NBEA: variants seen among roughly 807,000 people sequenced by gnomAD.
NBEA encodes the protein lysosomal-trafficking regulator 2.
In NBEA, 44 loss-of-function variants were observed where a neutral mutation model predicts 343.4. The observed-to-expected ratio is 0.13, with a 90% CI of 0.10 to 0.16. The LOEUF (loss-of-function observed/expected upper bound fraction) is 0.16, where lower values mean the gene tolerates loss of function less well. NBEA is among the 10% of genes least tolerant of loss of function. The pLI, the probability that NBEA is intolerant of heterozygous loss-of-function variation, is 1.00. For synonymous variants in NBEA, 1,175 were observed against 1,238.7 expected (o/e 0.95, Z 1.08); for missense variants, 2,555 against 3,631.3 (o/e 0.70, Z 7.62).
Position 35,211,198 on chromosome 13 carries a change from T to TA in NBEA, c.5648+20dup. 1 of 1,537,974 alleles carries TA rather than the reference T, an allele frequency of 6.5e-7. No homozygotes were observed. Among genetic ancestry groups the TA allele is most frequent in the Non-Finnish European group, 8.8e-7 (1 of 1,140,686 alleles). On this transcript the variant is annotated intron_variant, in intron 33 of 58. Coordinates refer to ENST00000379939, the MANE Select transcript of NBEA (RefSeq NM_001385012.1). ...ATATGAGGTATGCATGACTACTTTT[T>TA]ATTCATTTTAACTCTTTTTAAATGT...
intron 36 of NBEA, among the ~76,000 whole-genome samples, chr13:35,322,027 C>G (rs1172868958): frequency 6.6e-6 from 1 of 152,150 alleles, no homozygotes; most frequent in African/African-American, 2.4e-5. Context: ...TCTTAGCTTG[C>G]TGAGCTCTGT....
Position 35,058,809 on chromosome 13 carries a change from A to C in NBEA, c.1185A>C (p.Glu395Asp), listed in dbSNP as rs200848935. ...GQLGAVYVFS[E>D]ALNPAQIFAI... is the part of the protein sequence containing the mutation. Reference sequence around the variant, plus strand: ...TTGGTGCCGTGTATGTGTTCAGTGAAGCACTCAACCCAGCACAGATATTTG... The same window carrying C: ...TTGGTGCCGTGTATGTGTTCAGTGACGCACTCAACCCAGCACAGATATTTG... The change falls in exon 8 of 59, where the codon GAA (glutamate) becomes GAC (aspartate). Residue 395 changes from glutamate (E) to aspartate (D), a missense_variant. Around this residue, in one of 21 missense-constraint regions of NBEA, gnomAD observed 75 missense variants for 237.4 expected, o/e 0.32. Transcript: ENST00000379939. The C allele has an allele frequency of 5.8e-4, 934 of 1,607,832 alleles. 3 individuals carry two copies. The African/African-American group carries it at 0.011, about 19-fold the overall frequency.
rs771453576 is a variant in NBEA, at chr13:35,169,000, G to A, written c.4242+5G>A. On this transcript the variant is annotated splice_donor_5th_base_variant and intron_variant, in intron 25 of 58. Coordinates refer to ENST00000379939, the MANE Select transcript of NBEA (RefSeq NM_001385012.1). ...ATGCATGTCCAGGGTTCTAAGGTTA[G>A]TATTACTTTTGTAGTAATTTTCAGC... 27 of 1,495,674 alleles carry A rather than the reference G, an allele frequency of 1.8e-5. No individual in the cohort carries two copies. Among genetic ancestry groups the A allele is most frequent in the Non-Finnish European group, 2.4e-5 (27 of 1,125,548 alleles). The allele number at this position is 1,495,674 out of a possible 1,614,324, so 92.7% of individuals were successfully genotyped here.
rs66655195 is a variant in NBEA, at chr13:35,016,589, T to TAC, written c.295-24312_295-24311dup. On this transcript the variant is annotated intron_variant, in intron 1 of 58. Transcript: ENST00000379939. ...CACCGTCCTTCAGCTTGTATGTGTA[T>TAC]ACACACACACACACACACACACACA... Among the ~76,000 whole-genome samples the TAC allele has an allele frequency of 8.8e-3, 1,305 of 148,264 alleles. 16 individuals are homozygous for TAC. Among genetic ancestry groups the TAC allele is most frequent in the African/African-American group, 0.03 (1,191 of 40,024 alleles).
chr13:35,061,809 A>G (rs1326505193), intron 8 of NBEA, among the ~76,000 whole-genome samples: 3 of 151,758 alleles, frequency 2.0e-5, no homozygotes, highest in African/African-American at 4.8e-5. Flanking sequence ...TAAACTCTGC[A>G]TATAATATAG....
intron 1 of NBEA, among the ~76,000 whole-genome samples, chr13:35,022,048 T>C (rs2061862023): frequency 6.6e-6 from 1 of 152,244 alleles, no homozygotes; most frequent in East Asian, 1.9e-4. Flanking sequence ...AGAAGTCTTT[T>C]TTTGCTTTCA....
At chr13:35,140,571 G>T (rs1291190580) in intron 17 of NBEA, among the ~76,000 whole-genome samples, 1 of 152,064 alleles carries the variant, frequency 6.6e-6, no homozygotes, top group Non-Finnish European at 1.5e-5. Context: ...AAACACAGCT[G>T]CAGAACAGAT....
intron 34 of NBEA, among the ~76,000 whole-genome samples, chr13:35,264,648 C>A (rs1477182805): frequency 6.6e-6 from 1 of 151,842 alleles, no homozygotes; most frequent in Admixed American, 6.6e-5. Flanking sequence ...AGACAAAAAC[C>A]ATATGATCAT....
chr13:35,424,022 G>A (rs944398100), intron 38 of NBEA, among the ~76,000 whole-genome samples: 2 of 152,202 alleles, frequency 1.3e-5, no homozygotes, highest in African/African-American at 4.8e-5. Context: ...CTTTGCTGAA[G>A]TTGCTTATCA....
intron 1 of NBEA, among the ~76,000 whole-genome samples, chr13:34,978,802 C>G (rs2152504845): frequency 6.6e-6 from 1 of 152,294 alleles, no homozygotes; most frequent in Non-Finnish European, 1.5e-5. Flanking sequence ...GCATTTGTTA[C>G]TTTTACTGAT....
chr13:34,969,490 A>G (rs1056062719), intron 1 of NBEA, among the ~76,000 whole-genome samples: 1 of 151,832 alleles, frequency 6.6e-6, no homozygotes, highest in African/African-American at 2.4e-5. Context: ...TTTGTTGTGC[A>G]GTTTATTTCA....
chr13:35,310,833 A>G (rs922918156), intron 36 of NBEA, among the ~76,000 whole-genome samples: 1 of 152,174 alleles, frequency 6.6e-6, no homozygotes, highest in African/African-American at 2.4e-5. Context: ...TTATCTTTTC[A>G]AGTAGGGGAG....
intron 36 of NBEA, among the ~76,000 whole-genome samples, chr13:35,342,530 AG>A (rs2039645310): frequency 6.6e-6 from 1 of 152,050 alleles, no homozygotes; most frequent in Admixed American, 6.6e-5. Flanking sequence ...CAAGGAGAAA[AG>A]TATGCAAACA....
chr13:35,640,238 T>A (rs76214076), intron 49 of NBEA, among the ~76,000 whole-genome samples: 2,098 of 152,318 alleles, frequency 0.014, 51 homozygotes, highest in African/African-American at 0.048. Flanking sequence ...GTATCTTTAT[T>A]CATAGAGGAG....
chr13:35,086,939 T>C (rs2064802196), intron 10 of NBEA, among the ~76,000 whole-genome samples: 1 of 152,034 alleles, frequency 6.6e-6, no homozygotes, highest in East Asian at 1.9e-4. Flanking sequence ...ACAATTTCTG[T>C]GTCTTCTTTT....
chr13:35,498,834 A>C (rs2076780622), intron 41 of NBEA, among the ~76,000 whole-genome samples: 2 of 152,048 alleles, frequency 1.3e-5, no homozygotes, highest in Non-Finnish European at 2.9e-5. Flanking sequence ...TTTTCCCCTT[A>C]TACCTTATGC....
chr13:35,171,622 A>G lies in NBEA; in HGVS notation c.4423+170A>G, dbSNP rs191703804. ...AATTAATCAGAATTACTAAATTTTA[A>G]AAAATTATGCCTTCACATTGGAGAT... On this transcript the variant is annotated intron_variant, in intron 26 of 58. Coordinates refer to ENST00000379939, the MANE Select transcript of NBEA (RefSeq NM_001385012.1). Among the ~76,000 whole-genome samples the G allele has an allele frequency of 1.9e-3, 295 of 152,154 alleles. 2 individuals are homozygous for G. The highest frequency in any genetic ancestry group is 6.9e-4 in the Non-Finnish European group (47 of 67,954).
intron 52 of NBEA, among the ~76,000 whole-genome samples, chr13:35,650,349 C>T (rs2084455560): frequency 6.6e-6 from 1 of 152,156 alleles, no homozygotes; most frequent in Non-Finnish European, 1.5e-5. Flanking sequence ...TTTTGCAGAG[C>T]TTAGAATCTT....
chr13:35,672,635 C>T lies in NBEA; in HGVS notation c.*1644C>T, dbSNP rs1037136069. 8 of 152,580 alleles carry T rather than the reference C, an allele frequency of 5.2e-5. No individual in the cohort carries two copies. In the East Asian group the frequency reaches 1.5e-3, roughly 29 times the overall value. The allele number at this position is 152,580 out of a possible 1,614,324, so 9.5% of individuals were successfully genotyped here. A position where few individuals can be genotyped will look rare whatever the true frequency, so the allele number is the denominator to read the frequency against. Reference sequence around the variant, plus strand: ...TGAAATATTTTGGATATATAAATTCCTTAAGCTATTGTAACCATGTTTTAT... The same window carrying T: ...TGAAATATTTTGGATATATAAATTCTTTAAGCTATTGTAACCATGTTTTAT... On this transcript the variant is annotated 3_prime_UTR_variant, in exon 59 of 59. Coordinates refer to ENST00000379939, the MANE Select transcript of NBEA (RefSeq NM_001385012.1).
Sources: gnomAD v4.1 joint callset for allele counts (sites outside exome capture counted in the v4.1 genomes callset) on GRCh38, gnomAD v4.1.1 for gene constraint, gnomAD v4.1.1 regional missense constraint, MANE v1.5 for transcripts, NCBI Gene and HGNC (gene_info 2026-07-23, HGNC 2026-07-21) for gene names.